The following EFEMP1 variants were observed in gnomAD, a reference collection of about 807,000 sequenced individuals.
The protein encoded by EFEMP1 is EGF-like fibulin extracellular matrix protein 1.
A neutral mutation model predicts 65.7 loss-of-function variants in EFEMP1; 18 were observed. The ratio of observed to expected loss-of-function variants is 0.27; its 90% CI spans 0.19 to 0.41. The LOEUF (loss-of-function observed/expected upper bound fraction) is 0.41. EFEMP1 is among the 10% of genes least tolerant of loss of function. EFEMP1 has a pLI of 1.00. For synonymous variants in EFEMP1, 237 were observed against 219.7 expected (o/e 1.08, Z -0.70); for missense variants, 469 against 624.8 (o/e 0.75, Z 2.66).
rs1668591893 is a variant in EFEMP1 at position 55,866,740 on chromosome 2, G to A, written c.*333C>T. 1 of 273,528 alleles carries A rather than the reference G, an allele frequency of 3.7e-6. No individual in the cohort carries two copies. Among genetic ancestry groups the A allele is most frequent in the East Asian group, 8.8e-5 (1 of 11,376 alleles). The allele number at this position is 273,528 out of a possible 1,614,324, so 16.9% of individuals were successfully genotyped here. On this transcript the variant is annotated 3_prime_UTR_variant, in exon 12 of 12. Coordinates refer to ENST00000355426, the MANE Select transcript of EFEMP1 (RefSeq NM_001039348.3). ...TTATGAGACTGTTAGTGGAGCTCTA[G>A]TAAGTTTCCTTAAGCACCACAGAAG...
chr2:55,875,089 GAC>G (rs1668974148), intron 8 of EFEMP1, 24 bp from the exon 9 acceptor site: 5 of 1,566,014 alleles, frequency 3.2e-6, no homozygotes, highest in Non-Finnish European at 4.3e-6. Flanking sequence ...CAAGAGAAAG[GAC>G]ACAGAGTTGA....
In EFEMP1 at chr2:55,918,068, A is replaced by C. The variant is rs769049299; in HGVS notation, c.131-17T>G. On this transcript the variant is annotated splice_polypyrimidine_tract_variant and intron_variant, in intron 4 of 11. Transcript: ENST00000355426. The stretch of plus-strand genomic sequence containing the variant: ...CATCAATATCTGTGGTCAGTAATAA[A>C]ATAAGTCAGGAATCTTCTAAGAGGG... 1 of 1,614,214 alleles carries C rather than the reference A, an allele frequency of 6.2e-7. No individual in the cohort carries two copies. The highest frequency in any genetic ancestry group is 8.5e-7 in the Non-Finnish European group (1 of 1,180,040).
intron 5 of EFEMP1, among the ~76,000 whole-genome samples, chr2:55,903,582 T>C (rs1670124106): frequency 6.6e-6 from 1 of 152,144 alleles, no homozygotes; most frequent in Non-Finnish European, 1.5e-5. Flanking sequence ...ACTGATATGT[T>C]CATTAATATT....
Position 55,917,369 on chromosome 2 carries a change from G to C in EFEMP1, c.517+296C>G, listed in dbSNP as rs1345432124. On this transcript the variant is annotated intron_variant, in intron 5 of 11. Transcript: ENST00000355426. The surrounding 1 kb of genome is among the most constrained non-coding windows in gnomAD (Gnocchi z 6.3). ...TCAGAGACTGTGATTTAACTGGGCTGGGGTGTAGCTTCGCCATCGAGAAGT... is the reference window on the plus strand; with the variant it reads ...TCAGAGACTGTGATTTAACTGGGCTCGGGTGTAGCTTCGCCATCGAGAAGT... 6.6e-6 allele frequency among the ~76,000 whole-genome samples: 1 copy of C among 152,126 alleles called. No individual in the cohort carries two copies. Among genetic ancestry groups the C allele is most frequent in the East Asian group, 1.9e-4 (1 of 5,186 alleles).
chr2:55,872,005 T>G (rs1668828333), intron 9 of EFEMP1, among the ~76,000 whole-genome samples: 1 of 152,004 alleles, frequency 6.6e-6, no homozygotes, highest in Admixed American at 6.6e-5. Flanking sequence ...ACTTTAAATT[T>G]GGGAATCAGA....
intron 5 of EFEMP1, among the ~76,000 whole-genome samples, chr2:55,894,761 C>T (rs375583782): frequency 9.3e-5 from 14 of 149,964 alleles, no homozygotes; most frequent in Admixed American, 3.3e-4. Context: ...TATGTACATA[C>T]GTGACTGTTT....
At chr2:55,889,903 G>A (rs1669571811) in intron 5 of EFEMP1, among the ~76,000 whole-genome samples, 1 of 151,438 alleles carries the variant, frequency 6.6e-6, no homozygotes, top group South Asian at 2.1e-4. Context: ...TTAGGAAGAA[G>A]GTAAGAAAAC....
rs1669391119 is a variant in EFEMP1, at chr2:55,885,458, A to T, written c.518-3724T>A. 6.6e-6 allele frequency among the ~76,000 whole-genome samples: 1 copy of T among 152,242 alleles called. No individual in the cohort carries two copies. Among genetic ancestry groups the T allele is most frequent in the Non-Finnish European group, 1.5e-5 (1 of 68,030 alleles). ...TGAACAACATAAGGAGTCTCTCTGA[A>T]CTATGTAGACAGAGCCTAATGTTAA... On this transcript the variant is annotated intron_variant, in intron 5 of 11. Coordinates refer to ENST00000355426, the MANE Select transcript of EFEMP1 (RefSeq NM_001039348.3). The surrounding 1 kb of genome is among the most constrained non-coding windows in gnomAD (Gnocchi z 4.3).
intron 5 of EFEMP1, among the ~76,000 whole-genome samples, chr2:55,903,352 ACT>A (rs1413737701): frequency 6.6e-6 from 1 of 152,226 alleles, no homozygotes; most frequent in East Asian, 1.9e-4. Context: ...TGCAAATTTG[ACT>A]CTATCCAGAT....
chr2:55,893,248 G>T (rs1669700214), intron 5 of EFEMP1, among the ~76,000 whole-genome samples: 2 of 152,088 alleles, frequency 1.3e-5, no homozygotes, highest in South Asian at 4.1e-4. Context: ...TCTTTCTGTA[G>T]TTGCTTATGC....
intron 6 of EFEMP1, among the ~76,000 whole-genome samples, chr2:55,880,471 C>T (rs1018927351): frequency 6.6e-6 from 1 of 152,196 alleles, no homozygotes; most frequent in African/African-American, 2.4e-5. Flanking sequence ...ATCACAGCTT[C>T]ATTTATAGCA....
intron 5 of EFEMP1, among the ~76,000 whole-genome samples, chr2:55,908,701 AT>A (rs1392208657): frequency 6.6e-6 from 1 of 152,128 alleles, no homozygotes; most frequent in Non-Finnish European, 1.5e-5. Context: ...AAATATGTAT[AT>A]TTTTCAATTA....
At chr2:55,899,565 CATTATTTAA>C (rs1393996742) in intron 5 of EFEMP1, among the ~76,000 whole-genome samples, 1 of 152,162 alleles carries the variant, frequency 6.6e-6, no homozygotes, top group Non-Finnish European at 1.5e-5. Flanking sequence ...TACCTGGCTG[CATTATTTAA>C]ATTATCCTTT....
intron 4 of EFEMP1, 72 bp downstream of exon 4, chr2:55,918,147 G>A (rs1670776817): frequency 1.9e-6 from 3 of 1,612,232 alleles, no homozygotes; most frequent in Admixed American, 3.3e-5. Flanking sequence ...AACACAGACA[G>A]GACAGGAAGA....
In EFEMP1 at chr2:55,921,239, A is replaced by G. The variant is rs1406715912; in HGVS notation, c.81+1121T>C. Among the ~76,000 whole-genome samples the G allele has an allele frequency of 1.3e-5, 2 of 152,238 alleles. No individual in the cohort carries two copies. The highest frequency in any genetic ancestry group is 4.8e-5 in the African/African-American group (2 of 41,458). On this transcript the variant is annotated intron_variant, in intron 3 of 11. Transcript: ENST00000355426. The surrounding 1 kb of genome is among the most constrained non-coding windows in gnomAD (Gnocchi z 4.1). ...TTTTCTTGCTTAATTTATCTTCAGC[A>G]GAGGAAGCAACTGCATTTAACATGA...
At chr2:55,872,554 T>G (rs1668851869) in intron 9 of EFEMP1, among the ~76,000 whole-genome samples, 1 of 152,104 alleles carries the variant, frequency 6.6e-6, no homozygotes, top group Admixed American at 6.6e-5. Context: ...ATATTTCCAC[T>G]TGATATGGAT....
Position 55,921,751 on chromosome 2 carries a change from A to C in EFEMP1, c.81+609T>G, listed in dbSNP as rs916026567. On this transcript the variant is annotated intron_variant, in intron 3 of 11. Coordinates refer to ENST00000355426, the MANE Select transcript of EFEMP1 (RefSeq NM_001039348.3). The surrounding 1 kb of genome is among the most constrained non-coding windows in gnomAD (Gnocchi z 4.1). The stretch of plus-strand genomic sequence containing the variant: ...AAATATCAGAGACGCTAATTAGAAA[A>C]TGCAAAACGGAGTTGCACACATTAC... 1.6e-4 allele frequency among the ~76,000 whole-genome samples: 24 copies of C among 152,266 alleles called. No homozygotes were observed. The highest frequency in any genetic ancestry group is 3.2e-4 in the Non-Finnish European group (22 of 68,042).
At position 55,873,419 on chromosome 2, in the gene EFEMP1, T is replaced by C; in HGVS notation, c.1000+1527A>G. 6.6e-6 allele frequency among the ~76,000 whole-genome samples: 1 copy of C among 152,074 alleles called. No individual in the cohort carries two copies. The highest frequency in any genetic ancestry group is 1.9e-4 in the East Asian group (1 of 5,192). On this transcript the variant is annotated intron_variant, in intron 9 of 11. Coordinates refer to ENST00000355426, the MANE Select transcript of EFEMP1 (RefSeq NM_001039348.3). The surrounding 1 kb of genome is among the most constrained non-coding windows in gnomAD (Gnocchi z 4.6). Reference sequence around the variant, plus strand: ...TACAATAGATATAAATGTTTCCACATAGATAGGCTAGGCAGGTCGGATCCC... The same window carrying C: ...TACAATAGATATAAATGTTTCCACACAGATAGGCTAGGCAGGTCGGATCCC...
In EFEMP1 at chr2:55,873,075, C is replaced by CACACACAT. The variant is rs777027773; in HGVS notation, c.1000+1870_1000+1871insATGTGTGT. On this transcript the variant is annotated intron_variant, in intron 9 of 11. Transcript: ENST00000355426. This position sits in a 1 kb window ranked among gnomAD's most constrained non-coding sequence, Gnocchi z 4.6. ...CTCTCTGTCTCTCTCTCCACACACA[C>CACACACAT]ACACACACACACACACACACACACA... Among the ~76,000 whole-genome samples the CACACACAT allele has an allele frequency of 6.8e-6, 1 of 146,220 alleles. No individual in the cohort carries two copies. The highest frequency in any genetic ancestry group is 1.9e-4 in the East Asian group (1 of 5,140).
Sources: allele counts gnomAD v4.1 joint callset (sites outside exome capture counted in the v4.1 genomes callset), GRCh38; gene constraint gnomAD v4.1.1; non-coding constraint Gnocchi (gnomAD v3.1); transcripts MANE v1.5; gene names NCBI Gene and HGNC (gene_info 2026-07-23, HGNC 2026-07-21).